Variants in RORA observed in about 807,000 individuals in gnomAD.
The protein encoded by RORA is nuclear receptor ROR-alpha.
A neutral mutation model predicts 69.5 loss-of-function variants in RORA; 7 were observed. That is an observed-to-expected ratio of 0.10 (90% CI 0.06 to 0.19). RORA has a LOEUF of 0.19. RORA is among the 10% of genes least tolerant of loss of function. RORA has a pLI of 1.00. For missense variants in RORA, 457 were observed against 663.0 expected, an observed-to-expected ratio of 0.69 and a Z score of 3.41; for synonymous variants, 261 against 240.8, an observed-to-expected ratio of 1.08 and a Z score of -0.78.
chr15:60,671,172 G>A (rs978671707), intron 2 of RORA, among the ~76,000 whole-genome samples: 45 of 149,664 alleles, frequency 3.0e-4, no homozygotes, highest in African/African-American at 8.0e-4. Flanking sequence ...CACTGTGTCC[G>A]GAATCATAGT....
chr15:60,946,749 C>A (rs964976792), intron 1 of RORA, among the ~76,000 whole-genome samples: 1 of 151,710 alleles, frequency 6.6e-6, no homozygotes, highest in African/African-American at 2.4e-5. Flanking sequence ...ATGTGAGGAG[C>A]CCCTCTGCCC....
intron 1 of RORA, among the ~76,000 whole-genome samples, chr15:60,973,233 T>G (rs773872406): frequency 6.6e-6 from 1 of 152,194 alleles, no homozygotes; most frequent in Non-Finnish European, 1.5e-5. Flanking sequence ...ACAGGTTCAC[T>G]CAGTGTCAGA....
intron 2 of RORA, among the ~76,000 whole-genome samples, chr15:60,571,562 CTG>C (rs1299251815): frequency 6.6e-6 from 1 of 152,178 alleles, no homozygotes; most frequent in Admixed American, 6.5e-5. Flanking sequence ...TCTGAGCTCT[CTG>C]TGGCAGTCTT....
intron 1 of RORA, among the ~76,000 whole-genome samples, chr15:61,158,684 C>T (rs1419804832): frequency 6.6e-6 from 1 of 152,078 alleles, no homozygotes; most frequent in Non-Finnish European, 1.5e-5. Context: ...TAATAGAGAC[C>T]CAAAGAGGCT....
intron 1 of RORA, among the ~76,000 whole-genome samples, chr15:60,980,792 T>C (rs1253250901): frequency 5.9e-5 from 9 of 152,070 alleles, no homozygotes; most frequent in East Asian, 1.9e-4. Flanking sequence ...AGCTAAAGGT[T>C]TGTCAATTTT....
chr15:60,556,197 C>G (rs1340250825), intron 2 of RORA, among the ~76,000 whole-genome samples: 1 of 152,196 alleles, frequency 6.6e-6, no homozygotes, highest in Non-Finnish European at 1.5e-5. Flanking sequence ...AAAAACGGAT[C>G]TCATCCTGGG....
intron 1 of RORA, among the ~76,000 whole-genome samples, chr15:60,955,957 T>G (rs1893257130): frequency 1.3e-5 from 2 of 152,248 alleles, no homozygotes; most frequent in Admixed American, 6.5e-5. Flanking sequence ...CAGGATGGTA[T>G]ATTATTGAAA....
intron 1 of RORA, among the ~76,000 whole-genome samples, chr15:60,734,875 C>T (rs2071477965): frequency 6.6e-6 from 1 of 152,210 alleles, no homozygotes; most frequent in African/African-American, 2.4e-5. Flanking sequence ...ATTTCTAATA[C>T]ATCAATCTGT....
At chr15:60,827,724 T>C (rs1226393573) in intron 1 of RORA, among the ~76,000 whole-genome samples, 1 of 152,162 alleles carries the variant, frequency 6.6e-6, no homozygotes, top group African/African-American at 2.4e-5. Flanking sequence ...TGCGGGTCCC[T>C]GGGAAGAGGC....
chr15:61,190,128 T>G (rs1206169232), intron 1 of RORA, among the ~76,000 whole-genome samples: 2 of 152,116 alleles, frequency 1.3e-5, no homozygotes, highest in Non-Finnish European at 2.9e-5. Context: ...AGGCTAATTC[T>G]CATGCTTATC....
intron 1 of RORA, chr15:61,181,281 A>T (rs569328646): frequency 1.3e-4 from 20 of 152,286 alleles, no homozygotes; most frequent in African/African-American, 4.1e-4. Context: ...TTTGAGAATG[A>T]AGGGTAGCCA....
intron 1 of RORA, among the ~76,000 whole-genome samples, chr15:60,739,804 G>A (rs1293783325): frequency 5.9e-5 from 9 of 152,100 alleles, no homozygotes; most frequent in Non-Finnish European, 1.2e-4. Flanking sequence ...ACTAGGTATT[G>A]AGGAAGGAAA....
At chr15:61,117,668 T>C (rs892065673) in intron 1 of RORA, among the ~76,000 whole-genome samples, 4 of 152,250 alleles carry the variant, frequency 2.6e-5, no homozygotes, top group African/African-American at 9.6e-5. Flanking sequence ...TTTGAAATCA[T>C]TTGAATCTTT....
At chr15:60,804,564 T>A (rs761612118) in intron 1 of RORA, among the ~76,000 whole-genome samples, 1 of 152,146 alleles carries the variant, frequency 6.6e-6, no homozygotes, top group Non-Finnish European at 1.5e-5. Context: ...ATGAGCAAGT[T>A]CGTGAATCAG....
intron 1 of RORA, among the ~76,000 whole-genome samples, chr15:61,023,503 CCCA>C (rs1183851219): frequency 2.6e-5 from 4 of 152,154 alleles, no homozygotes; most frequent in African/African-American, 9.7e-5. Context: ...CTGGGTCCCT[CCCA>C]CAACACGTGA....
chr15:61,016,594 G>A (rs910368236), intron 1 of RORA, among the ~76,000 whole-genome samples: 5 of 152,118 alleles, frequency 3.3e-5, no homozygotes, highest in African/African-American at 7.2e-5. Context: ...TGTGTTCTAC[G>A]AGCTTTGGGT....
intron 3 of RORA, among the ~76,000 whole-genome samples, chr15:60,516,168 T>C (rs2065925922): frequency 2.8e-5 from 1 of 35,526 alleles, no homozygotes; most frequent in South Asian, 7.9e-4. Context: ...TATTTATATA[T>C]ATATTTATAT....
At chr15:60,785,546 T>C (rs1445369179) in intron 1 of RORA, among the ~76,000 whole-genome samples, 1 of 152,214 alleles carries the variant, frequency 6.6e-6, no homozygotes, top group Non-Finnish European at 1.5e-5. Flanking sequence ...AAATGTCAGG[T>C]GTTCTGCAAG....
chr15:60,744,351 A>G (rs9920962), intron 1 of RORA, among the ~76,000 whole-genome samples: 36,937 of 152,164 alleles, frequency 0.24, 6,017 homozygotes, highest in African/African-American at 0.45. Flanking sequence ...TACAAATTAG[A>G]TAGAAACAGC....
Sources: allele counts gnomAD v4.1 joint callset (sites outside exome capture counted in the v4.1 genomes callset), GRCh38; gene constraint gnomAD v4.1.1; transcripts MANE v1.5; gene names NCBI Gene and HGNC (gene_info 2026-07-23, HGNC 2026-07-21).